Variants in GLIPR1 observed in about 807,000 individuals in gnomAD.
The protein encoded by GLIPR1 is GLI pathogenesis related 1, also known as glioma pathogenesis-related protein 1.
Under a neutral mutation model 30.3 loss-of-function variants are expected in GLIPR1, and 38 were observed. The observed-to-expected ratio is 1.26, with a 90% CI of 0.97 to 1.65. The LOEUF (loss-of-function observed/expected upper bound fraction) is 1.65. Among genes scored for constraint, GLIPR1 ranks in the 40% most tolerant of loss-of-function variants. The pLI, the probability that GLIPR1 is intolerant of heterozygous loss-of-function variation, is 0.00. For synonymous variants in GLIPR1, 122 were observed against 110.6 expected, an observed-to-expected ratio of 1.10 and a Z score of -0.65; for missense variants, 285 against 326.5, an observed-to-expected ratio of 0.87 and a Z score of 0.98.
chr12:75,500,054 C>G lies in GLIPR1; in HGVS notation c.*1076C>G, dbSNP rs1594065230. The G allele has an allele frequency of 1.2e-6, 1 of 836,912 alleles. No homozygotes were observed. Among genetic ancestry groups the G allele is most frequent in the South Asian group, 1.8e-5 (1 of 54,240 alleles). The allele number at this position is 836,912 out of a possible 1,614,324, so 51.8% of individuals were successfully genotyped here. ...AATATATGTTTAAGGCAGTTAACTTCAGAGTATTCTTATAATTGAATAATT... is the reference window on the plus strand; with the variant it reads ...AATATATGTTTAAGGCAGTTAACTTGAGAGTATTCTTATAATTGAATAATT... On this transcript the variant is annotated 3_prime_UTR_variant, in exon 6 of 6. Transcript: ENST00000266659.
chr12:75,495,723 G>A, intron 4 of GLIPR1, 61 bp downstream of exon 4: 1 of 978,632 alleles, frequency 1.0e-6, no homozygotes, highest in Non-Finnish European at 1.6e-6. Flanking sequence ...ACTTTCTACA[G>A]AATTAACAAT....
chr12:75,494,663 C>A (rs903058237), intron 3 of GLIPR1: 2 of 152,060 alleles, frequency 1.3e-5, no homozygotes, highest in African/African-American at 4.8e-5. Flanking sequence ...CCAAAGGGTA[C>A]GATTACACAA....
chr12:75,498,768 T>TGTCA, intron 5 of GLIPR1, 48 bp downstream of exon 5: 1 of 1,606,620 alleles, frequency 6.2e-7, no homozygotes, highest in Non-Finnish European at 8.5e-7. Flanking sequence ...ATGTGAATTC[T>TGTCA]GTCAGTGCAT....
Position 75,503,142 on chromosome 12 carries a change from G to T in GLIPR1, c.*4164G>T. 1 of 152,242 alleles carries T rather than the reference G, an allele frequency of 6.6e-6. No homozygotes were observed. The allele number at this position is 152,242 out of a possible 1,614,324, so 9.4% of individuals were successfully genotyped here. ...CAAAGAACACATAGAAGAGGCTGAT[G>T]CAGGTGGAAGAAAACCCATACGTGA... On this transcript the variant is annotated 3_prime_UTR_variant, in exon 6 of 6. Coordinates refer to ENST00000266659, the MANE Select transcript of GLIPR1 (RefSeq NM_006851.3).
Position 75,500,189 on chromosome 12 carries a change from T to C in GLIPR1, c.*1211T>C. 3.7e-6 allele frequency: 1 copy of C among 271,748 alleles called. No homozygotes were observed. The highest frequency in any genetic ancestry group is 6.8e-6 in the Non-Finnish European group (1 of 147,808). 16.8% of individuals were successfully genotyped at this position (271,748 alleles called of 1,614,324 possible). A position where few individuals can be genotyped will look rare whatever the true frequency, so the allele number is the denominator to read the frequency against. On this transcript the variant is annotated 3_prime_UTR_variant, in exon 6 of 6. Coordinates refer to ENST00000266659, the MANE Select transcript of GLIPR1 (RefSeq NM_006851.3). Reference sequence around the variant, plus strand: ...AATACTTTATATATTAGTACAAGTATACATAAAAATGGCATAAATGGCATA... The same window carrying C: ...AATACTTTATATATTAGTACAAGTACACATAAAAATGGCATAAATGGCATA...
intron 3 of GLIPR1, 138 bp from the exon 4 acceptor site, chr12:75,495,439 T>C (rs1004283271): frequency 2.8e-5 from 16 of 580,716 alleles, no homozygotes; most frequent in Non-Finnish European, 4.8e-5. Flanking sequence ...TGCCTTCCTG[T>C]CTTCACTTCT....
chr12:75,490,233 A>ACC (rs71078739), intron 2 of GLIPR1, among the ~76,000 whole-genome samples, 173 bp from the exon 3 acceptor site: 129 of 145,394 alleles, frequency 8.9e-4, no homozygotes, highest in Middle Eastern at 3.6e-3. Flanking sequence ...ACACACACAC[A>ACC]CCCCAATAAT....
At chr12:75,487,506 G>A (rs1239897161) in intron 2 of GLIPR1, among the ~76,000 whole-genome samples, 5 of 152,214 alleles carry the variant, frequency 3.3e-5, no homozygotes, top group African/African-American at 1.2e-4. Context: ...GGTTCCTGGG[G>A]ATAAAGAAAT....
At chr12:75,482,865 T>C (rs571790911) in intron 2 of GLIPR1, among the ~76,000 whole-genome samples, 2 of 152,278 alleles carry the variant, frequency 1.3e-5, no homozygotes, top group South Asian at 4.1e-4. Flanking sequence ...TTTTGTTTAT[T>C]TACTGTCACT....
chr12:75,482,349 T>C (rs962843134), intron 2 of GLIPR1, among the ~76,000 whole-genome samples: 2 of 152,228 alleles, frequency 1.3e-5, no homozygotes, highest in African/African-American at 2.4e-5. Context: ...TTATTCCATT[T>C]GTGAGAAATC....
chr12:75,481,302 A>G, intron 1 of GLIPR1: 1 of 287,646 alleles, frequency 3.5e-6, no homozygotes, highest in South Asian at 1.2e-4. Context: ...TTTTCAGTGG[A>G]TTTTACTTCT....
At chr12:75,495,803 T>C (rs978365525) in intron 4 of GLIPR1, 141 bp downstream of exon 4, 1 of 558,204 alleles carries the variant, frequency 1.8e-6, no homozygotes, top group Admixed American at 2.9e-5. Context: ...ACCAATGGCT[T>C]ACTGTTCTAG....
At chr12:75,490,303 A>C in intron 2 of GLIPR1, 103 bp from the exon 3 acceptor site, 1 of 658,610 alleles carries the variant, frequency 1.5e-6, no homozygotes, top group Non-Finnish European at 2.7e-6. Flanking sequence ...GGTTTTAAGC[A>C]CTCTAACTAG....
intron 2 of GLIPR1, among the ~76,000 whole-genome samples, chr12:75,489,162 C>A (rs1307235044): frequency 1.3e-5 from 2 of 152,054 alleles, no homozygotes; most frequent in African/African-American, 4.8e-5. Flanking sequence ...GATGTGGAAT[C>A]TTTTGTTCAG....
At position 75,480,950 on chromosome 12, in the gene GLIPR1, A is replaced by G. The variant is rs933191728; in HGVS notation, c.70A>G (p.Ile24Val). The change falls in exon 1 of 6, where the codon ATT (isoleucine) becomes GTT (valine). Residue 24 changes from isoleucine (I) to valine (V), a missense_variant. Physicochemically the swap from Ile to Val is conservative, Grantham distance 29 (BLOSUM62 3). Transcript: ENST00000266659. ...CTCCAATTATTCACACACAGCAAAT[A>G]TTTTGCCAGATATCGAAAATGAAGA... ...FVSNYSHTANILPDIENEDFI... is the reference protein window; with the variant it reads ...FVSNYSHTANVLPDIENEDFI... 6.2e-7 allele frequency: 1 copy of G among 1,613,716 alleles called. No homozygotes were observed. The highest frequency in any genetic ancestry group is 8.5e-7 in the Non-Finnish European group (1 of 1,179,662).
chr12:75,501,601 T>C lies in GLIPR1; in HGVS notation c.*2623T>C, dbSNP rs1014002477. On this transcript the variant is annotated 3_prime_UTR_variant, in exon 6 of 6. Transcript: ENST00000266659. ...CATCCCTTGTCCTTAGGATTAGTAA[T>C]TAATGAAATGCTAAGAGAACTGATG... 2.6e-5 allele frequency: 17 copies of C among 661,842 alleles called. No individual in the cohort carries two copies. Among genetic ancestry groups the C allele is most frequent in the Non-Finnish European group, 4.4e-5 (17 of 389,604 alleles). The allele number at this position is 661,842 out of a possible 1,614,324, so 41.0% of individuals were successfully genotyped here.
chr12:75,495,315 A>G (rs943276867), intron 3 of GLIPR1: 5 of 342,032 alleles, frequency 1.5e-5, no homozygotes, highest in African/African-American at 1.0e-4. Context: ...CATCTGTAAA[A>G]CAAGAATAAC....
intron 2 of GLIPR1, among the ~76,000 whole-genome samples, chr12:75,488,227 C>T (rs2046302452): frequency 6.6e-6 from 1 of 152,148 alleles, no homozygotes; most frequent in South Asian, 2.1e-4. Context: ...CTCATTTTAC[C>T]CAGCCCCTAT....
chr12:75,490,723 A>G (rs2046318881), intron 3 of GLIPR1: 1 of 502,234 alleles, frequency 2.0e-6, no homozygotes, highest in Non-Finnish European at 3.5e-6. Context: ...TTGGAGAGAG[A>G]GAGGGTGTGT....
Sources: gnomAD v4.1 joint callset for allele counts (sites outside exome capture counted in the v4.1 genomes callset) on GRCh38, gnomAD v4.1.1 for gene constraint, MANE v1.5 for transcripts, NCBI Gene and HGNC (gene_info 2026-07-23, HGNC 2026-07-21) for gene names.